Variants in OTOGL observed in about 807,000 individuals in gnomAD.
OTOGL encodes otogelin like, also known as otogelin-like protein.
Under a neutral mutation model 318.5 loss-of-function variants are expected in OTOGL, and 285 were observed. That is an observed-to-expected ratio of 0.89 (90% CI 0.81 to 0.99). The LOEUF (loss-of-function observed/expected upper bound fraction) is 0.99. OTOGL is among the 50% of genes least tolerant of loss of function. The pLI is 0.00. For missense variants in OTOGL, 2,899 were observed against 2,845.6 expected, an observed-to-expected ratio of 1.02 and a Z score of -0.43; for synonymous variants, 987 against 936.5, an observed-to-expected ratio of 1.05 and a Z score of -0.99.
At chr12:80,295,132 A>T (rs1885296617) in intron 26 of OTOGL, among the ~76,000 whole-genome samples, 1 of 151,034 alleles carries the variant, frequency 6.6e-6, no homozygotes, top group Non-Finnish European at 1.5e-5. Flanking sequence ...CAAAAAAACA[A>T]AACACAAACT....
chr12:80,335,586 G>T (rs144632432), intron 38 of OTOGL, among the ~76,000 whole-genome samples: 1 of 151,958 alleles, frequency 6.6e-6, no homozygotes, highest in Non-Finnish European at 1.5e-5. Flanking sequence ...TGATTTTTAA[G>T]TTGACATTAT....
intron 31 of OTOGL, 119 bp downstream of exon 31, chr12:80,313,751 G>T (rs1886802336): frequency 1.2e-6 from 1 of 828,192 alleles, no homozygotes; most frequent in Non-Finnish European, 1.7e-6. Context: ...AAATTAAAAT[G>T]ACTAAATTTT....
chr12:80,259,084 T>G (rs1882306635), intron 18 of OTOGL, among the ~76,000 whole-genome samples: 1 of 151,750 alleles, frequency 6.6e-6, no homozygotes, highest in South Asian at 2.1e-4. Context: ...ATAATTTTTT[T>G]TAGCTATACC....
intron 19 of OTOGL, among the ~76,000 whole-genome samples, chr12:80,262,746 T>G (rs971013949): frequency 2.6e-4 from 40 of 152,260 alleles, no homozygotes; most frequent in African/African-American, 9.4e-4. Context: ...ATGTATATAT[T>G]CAGATAGAAG....
chr12:80,335,400 T>C (rs1430361189), intron 38 of OTOGL, among the ~76,000 whole-genome samples: 3 of 152,130 alleles, frequency 2.0e-5, no homozygotes, highest in African/African-American at 7.2e-5. Flanking sequence ...ATTACCATAA[T>C]TTAAATGGAA....
At chr12:80,144,156 C>A (rs1872159692) in intron 1 of OTOGL, among the ~76,000 whole-genome samples, 1 of 152,100 alleles carries the variant, frequency 6.6e-6, no homozygotes, top group Non-Finnish European at 1.5e-5. Flanking sequence ...GCTGCACCCA[C>A]TAACTCGTCA....
At chr12:80,147,723 A>G (rs1466952586) in intron 1 of OTOGL, among the ~76,000 whole-genome samples, 1 of 152,120 alleles carries the variant, frequency 6.6e-6, no homozygotes, top group Non-Finnish European at 1.5e-5. Context: ...GACCTGCTTT[A>G]TGAATCTGGG....
chr12:80,185,876 G>A (rs1875252726), intron 1 of OTOGL, among the ~76,000 whole-genome samples: 1 of 152,062 alleles, frequency 6.6e-6, no homozygotes, highest in Non-Finnish European at 1.5e-5. Flanking sequence ...TTCACAAAAG[G>A]ATTTGAGGTG....
intron 1 of OTOGL, among the ~76,000 whole-genome samples, chr12:80,118,104 C>T (rs1241130434): frequency 1.3e-5 from 2 of 152,084 alleles, no homozygotes; most frequent in East Asian, 3.9e-4. Flanking sequence ...GGTGGGGGAT[C>T]ATGCAGCTTC....
At chr12:80,195,530 A>G (rs1476184084) in intron 1 of OTOGL, among the ~76,000 whole-genome samples, 1 of 152,258 alleles carries the variant, frequency 6.6e-6, no homozygotes, top group East Asian at 1.9e-4. Context: ...GGTTAGTAGA[A>G]TGAAGCTTAT....
intron 35 of OTOGL, among the ~76,000 whole-genome samples, chr12:80,328,004 C>T (rs1887808617): frequency 8.4e-6 from 1 of 119,382 alleles, no homozygotes; most frequent in African/African-American, 3.2e-5. Context: ...AGCAACAGTA[C>T]AATCAATACA....
intron 44 of OTOGL, among the ~76,000 whole-genome samples, chr12:80,350,428 G>C (rs950787134): frequency 1.3e-5 from 2 of 152,116 alleles, no homozygotes; most frequent in East Asian, 3.8e-4. Context: ...CGTAGTAGTA[G>C]GGTAGCTCAG....
chr12:80,149,823 C>T (rs143799660), intron 1 of OTOGL, among the ~76,000 whole-genome samples: 3,363 of 152,260 alleles, frequency 0.022, 59 homozygotes, highest in Middle Eastern at 0.068. Context: ...TGGGAGTGAC[C>T]TGATTTTCCA....
rs531070267 is a variant in OTOGL, at chr12:80,177,570, T to G, written c.-19-31843T>G. On this transcript the variant is annotated intron_variant, in intron 1 of 58. Transcript: ENST00000547103. Reference sequence around the variant, plus strand: ...AAATCTTTAACTTTATCCTTTTTTTTAAATGAAAGTTGTTTTGGTGATCTT... The same window carrying G: ...AAATCTTTAACTTTATCCTTTTTTTGAAATGAAAGTTGTTTTGGTGATCTT... 2.0e-5 allele frequency among the ~76,000 whole-genome samples: 3 copies of G among 152,326 alleles called. No individual in the cohort carries two copies. The South Asian group carries it at 6.2e-4, about 32-fold the overall frequency.
chr12:80,353,176 A>G (rs571033441), intron 45 of OTOGL, 149 bp from the exon 46 acceptor site: 1 of 512,424 alleles, frequency 2.0e-6, no homozygotes, highest in South Asian at 6.4e-5. Context: ...TTTCTGATTT[A>G]TGGTTACAGA....
At chr12:80,143,307 T>C (rs1872076234) in intron 1 of OTOGL, among the ~76,000 whole-genome samples, 1 of 152,176 alleles carries the variant, frequency 6.6e-6, no homozygotes. Context: ...AATTGACTTC[T>C]TGGGTTTCCA....
At chr12:80,254,145 T>G (rs1029255242) in intron 14 of OTOGL, among the ~76,000 whole-genome samples, 4 of 152,218 alleles carry the variant, frequency 2.6e-5, no homozygotes, top group Non-Finnish European at 4.4e-5. Flanking sequence ...GGTACTCTGC[T>G]TTTGTCCTCT....
chr12:80,136,460 T>G (rs1236354240), intron 1 of OTOGL, among the ~76,000 whole-genome samples: 1 of 152,234 alleles, frequency 6.6e-6, no homozygotes, highest in Admixed American at 6.5e-5. Flanking sequence ...GAATTTACTG[T>G]CCATGTAGTA....
Position 80,377,955 on chromosome 12 carries a change from A to G in OTOGL, c.6969A>G (p.Arg2323=), listed in dbSNP as rs1379835785. The change falls in exon 59 of 59, where the codon CGA becomes CGG. Residue 2323 remains arginine, a synonymous_variant. Transcript: ENST00000547103. The part of the protein sequence containing the change: ...FCKCCRENGV[R]NLSVPLYCSG... ...AGTGTTGTCGTGAAAATGGAGTACGAAACTTGTCTGTGCCTCTGTATTGCT... is the reference window on the plus strand; with the variant it reads ...AGTGTTGTCGTGAAAATGGAGTACGGAACTTGTCTGTGCCTCTGTATTGCT... The G allele has an allele frequency of 5.6e-6, 9 of 1,609,056 alleles. No individual in the cohort carries two copies. The highest frequency in any genetic ancestry group is 6.8e-6 in the Non-Finnish European group (8 of 1,177,308).
Sources: gnomAD v4.1 joint callset for allele counts (sites outside exome capture counted in the v4.1 genomes callset) on GRCh38, gnomAD v4.1.1 for gene constraint, MANE v1.5 for transcripts, NCBI Gene and HGNC (gene_info 2026-07-23, HGNC 2026-07-21) for gene names.